Variants in L3MBTL4 observed in about 807,000 individuals in gnomAD.
L3MBTL4 encodes the protein lethal(3)malignant brain tumor-like protein 4.
L3MBTL4 carries 70 observed loss-of-function variants against 84.5 expected under a neutral mutation model. That is an observed-to-expected ratio of 0.83 (90% CI 0.68 to 1.01). The LOEUF (loss-of-function observed/expected upper bound fraction) is 1.01, where lower values mean the gene tolerates loss of function less well. Ranked by LOEUF, L3MBTL4 falls within the 50% of genes least tolerant of loss-of-function variation. L3MBTL4 has a pLI of 0.00. For missense variants in L3MBTL4, 715 were observed against 754.8 expected, an observed-to-expected ratio of 0.95 and a Z score of 0.62; for synonymous variants, 274 against 259.8, an observed-to-expected ratio of 1.05 and a Z score of -0.52.
At chr18:6,101,644 C>T (rs1383560078) in intron 14 of L3MBTL4, among the ~76,000 whole-genome samples, 1 of 152,214 alleles carries the variant, frequency 6.6e-6, no homozygotes, top group Non-Finnish European at 1.5e-5. Flanking sequence ...TCTGCTGCAA[C>T]CTGCAGACTC....
chr18:6,184,996 G>A (rs900231610), intron 12 of L3MBTL4, among the ~76,000 whole-genome samples: 4 of 152,122 alleles, frequency 2.6e-5, no homozygotes, highest in South Asian at 2.1e-4. Context: ...CTATGTCATC[G>A]CCAGATGAGA....
chr18:6,072,865 CAA>C (rs71370542), intron 16 of L3MBTL4, among the ~76,000 whole-genome samples: 73 of 3,056 alleles, frequency 0.024, no homozygotes, highest in African/African-American at 0.025. Context: ...GACTCCGTCT[CAA>C]AAAAAAAAAA....
chr18:6,190,868 G>A (rs979454110), intron 12 of L3MBTL4, among the ~76,000 whole-genome samples: 23 of 152,218 alleles, frequency 1.5e-4, no homozygotes, highest in African/African-American at 5.3e-4. Context: ...GTATGGGGAA[G>A]AATATTACAG....
intron 1 of L3MBTL4, among the ~76,000 whole-genome samples, chr18:6,350,540 C>T (rs1048750944): frequency 3.5e-5 from 5 of 143,838 alleles, no homozygotes; most frequent in African/African-American, 1.4e-4. Flanking sequence ...CATAGGATGG[C>T]TAATATAAAA....
intron 13 of L3MBTL4, among the ~76,000 whole-genome samples, chr18:6,151,758 A>G (rs548628674): frequency 1.3e-5 from 2 of 152,334 alleles, no homozygotes; most frequent in African/African-American, 4.8e-5. Flanking sequence ...TGGTGATGTG[A>G]TAAACATATA....
chr18:6,054,794 A>G (rs1011051033), intron 16 of L3MBTL4, among the ~76,000 whole-genome samples: 1 of 152,216 alleles, frequency 6.6e-6, no homozygotes, highest in African/African-American at 2.4e-5. Flanking sequence ...GGATGAACCC[A>G]TGAATGATGC....
At chr18:6,201,220 C>T (rs973415655) in intron 12 of L3MBTL4, among the ~76,000 whole-genome samples, 1 of 152,170 alleles carries the variant, frequency 6.6e-6, no homozygotes, top group African/African-American at 2.4e-5. Context: ...TGTAAGAAGA[C>T]AGTGAATTGC....
chr18:6,042,541 A>G (rs758976980), intron 16 of L3MBTL4, among the ~76,000 whole-genome samples: 1 of 152,150 alleles, frequency 6.6e-6, no homozygotes, highest in Non-Finnish European at 1.5e-5. Flanking sequence ...CAAAGACCTC[A>G]ATGTTATTCA....
intron 12 of L3MBTL4, among the ~76,000 whole-genome samples, chr18:6,181,289 G>A (rs547851865): frequency 2.0e-5 from 3 of 152,074 alleles, no homozygotes; most frequent in Non-Finnish European, 4.4e-5. Context: ...TTGCCGTCCA[G>A]GTAATAGGCA....
chr18:6,038,868 C>A (rs967495318), intron 16 of L3MBTL4, among the ~76,000 whole-genome samples: 1 of 151,926 alleles, frequency 6.6e-6, no homozygotes, highest in African/African-American at 2.4e-5. Context: ...GAAATCTTAA[C>A]CCCCTACGGT....
At chr18:6,019,669 TAGAGAATGAAATTACAATTC>T (rs1354303994) in intron 16 of L3MBTL4, among the ~76,000 whole-genome samples, 2 of 152,190 alleles carry the variant, frequency 1.3e-5, no homozygotes, top group African/African-American at 4.8e-5. Context: ...TCCACTTTTG[TAGAGAATGAAATTACAATTC>T]AGAGAAGTCA....
chr18:6,275,152 C>T (rs1000467980), intron 4 of L3MBTL4, among the ~76,000 whole-genome samples: 3 of 151,874 alleles, frequency 2.0e-5, no homozygotes, highest in African/African-American at 7.3e-5. Context: ...AGAGGAAATC[C>T]CAGGGAGTGT....
intron 13 of L3MBTL4, among the ~76,000 whole-genome samples, chr18:6,146,362 C>T (rs1468263501): frequency 6.6e-6 from 1 of 151,868 alleles, no homozygotes; most frequent in African/African-American, 2.4e-5. Context: ...AGTCTGAGGA[C>T]TGAACTCTGG....
intron 12 of L3MBTL4, among the ~76,000 whole-genome samples, chr18:6,186,476 C>T (rs569893877): frequency 1.3e-3 from 201 of 152,124 alleles, no homozygotes; most frequent in African/African-American, 4.5e-3. Context: ...AAAATGGGAC[C>T]GAAGAAATGG....
At chr18:6,061,906 C>T (rs1042768126) in intron 16 of L3MBTL4, among the ~76,000 whole-genome samples, 3 of 151,908 alleles carry the variant, frequency 2.0e-5, no homozygotes, top group Non-Finnish European at 4.4e-5. Flanking sequence ...TTCCCCAATT[C>T]TCCCTCTCAT....
intron 16 of L3MBTL4, among the ~76,000 whole-genome samples, chr18:5,987,166 G>A (rs761162494): frequency 9.9e-5 from 15 of 152,212 alleles, no homozygotes; most frequent in Non-Finnish European, 1.9e-4. Context: ...GGCTCAGGAC[G>A]GAGAGGGGTC....
intron 12 of L3MBTL4, among the ~76,000 whole-genome samples, chr18:6,174,341 T>C (rs1034062987): frequency 2.0e-5 from 3 of 152,144 alleles, no homozygotes; most frequent in African/African-American, 4.8e-5. Flanking sequence ...TAGGAAAATA[T>C]GTTCAAAAAC....
At chr18:6,275,159 G>T (rs187699900) in intron 4 of L3MBTL4, among the ~76,000 whole-genome samples, 1 of 152,262 alleles carries the variant, frequency 6.6e-6, no homozygotes, top group Non-Finnish European at 1.5e-5. Flanking sequence ...ATCCCAGGGA[G>T]TGTGTGTAGC....
chr18:6,265,497 G>T (rs2048590401), intron 4 of L3MBTL4, among the ~76,000 whole-genome samples: 1 of 152,164 alleles, frequency 6.6e-6, no homozygotes. Flanking sequence ...TGGGAAGGAG[G>T]TTAAAGAAAC....
Sources: allele counts gnomAD v4.1 joint callset (sites outside exome capture counted in the v4.1 genomes callset), GRCh38; gene constraint gnomAD v4.1.1; transcripts MANE v1.5; gene names NCBI Gene and HGNC (gene_info 2026-07-23, HGNC 2026-07-21).